Variants in CSMD1 observed in about 807,000 individuals in gnomAD.
The protein encoded by CSMD1 is CUB and sushi domain-containing protein 1.
Under a neutral mutation model 417.5 loss-of-function variants are expected in CSMD1, and 213 were observed. That is an observed-to-expected ratio of 0.51 (90% CI 0.46 to 0.57). CSMD1 has a LOEUF of 0.57. CSMD1 is among the 20% of genes least tolerant of loss of function. The probability of loss-of-function intolerance (pLI) is 0.00; values close to 1 mark genes in which losing one functional copy is unlikely to be tolerated. For synonymous variants in CSMD1, 2,862 were observed against 1,736.8 expected, an observed-to-expected ratio of 1.65 and a Z score of -16.11; for missense variants, 6,923 against 4,529.7, an observed-to-expected ratio of 1.53 and a Z score of -15.17.
rs530926656 is a variant in CSMD1 at position 4,369,078 on chromosome 8, C to T, written c.415+50875G>A. ...GATCTTTTTGACTTCTTGATATAGA[C>T]ATTAAGTGCTAAAAACTTTCCTCTT... On this transcript the variant is annotated intron_variant, in intron 3 of 69. Transcript: ENST00000635120. Among the ~76,000 whole-genome samples, 9 of 152,196 alleles carry T rather than the reference C, an allele frequency of 5.9e-5. No homozygotes were observed. The East Asian group carries it at 9.7e-4, about 16-fold the overall frequency.
chr8:4,123,517 C>A (rs1802600023), intron 3 of CSMD1, among the ~76,000 whole-genome samples: 1 of 152,024 alleles, frequency 6.6e-6, no homozygotes, highest in African/African-American at 2.4e-5. Flanking sequence ...ACTGTGTTTT[C>A]TTTGATGATT....
At chr8:4,103,878 G>T (rs927747399) in intron 3 of CSMD1, among the ~76,000 whole-genome samples, 1 of 152,164 alleles carries the variant, frequency 6.6e-6, no homozygotes, top group African/African-American at 2.4e-5. Context: ...ATCTCTTGCA[G>T]TTAATATTTG....
intron 3 of CSMD1, among the ~76,000 whole-genome samples, chr8:4,385,711 G>C (rs186776413): frequency 2.6e-5 from 4 of 152,190 alleles, no homozygotes; most frequent in East Asian, 3.9e-4. Context: ...TTTTTATAGA[G>C]AAAATTCAAC....
intron 3 of CSMD1, among the ~76,000 whole-genome samples, chr8:4,378,284 T>G (rs1047608445): frequency 3.1e-4 from 47 of 152,378 alleles, no homozygotes; most frequent in African/African-American, 1.0e-3. Context: ...TGTTATATAA[T>G]CCATGCAAAG....
intron 3 of CSMD1, among the ~76,000 whole-genome samples, chr8:4,036,474 G>C (rs915208178): frequency 6.6e-6 from 1 of 152,128 alleles, no homozygotes; most frequent in Non-Finnish European, 1.5e-5. Flanking sequence ...TGTCTGAAAA[G>C]AAATATTTGT....
intron 3 of CSMD1, among the ~76,000 whole-genome samples, chr8:4,081,136 G>C (rs1176918410): frequency 2.0e-5 from 3 of 152,108 alleles, no homozygotes; most frequent in African/African-American, 4.8e-5. Flanking sequence ...CTGAACTCTT[G>C]ATCTTAGACT....
chr8:4,985,285 A>G (rs1299644348), intron 1 of CSMD1, among the ~76,000 whole-genome samples: 1 of 152,164 alleles, frequency 6.6e-6, no homozygotes, highest in Admixed American at 6.5e-5. Context: ...CTTGGTAATG[A>G]TATAATCGGT....
chr8:4,018,057 G>C (rs1284080924), intron 4 of CSMD1, among the ~76,000 whole-genome samples: 2 of 145,978 alleles, frequency 1.4e-5, no homozygotes, highest in South Asian at 2.1e-4. Flanking sequence ...ACTAGTGTGG[G>C]TATGTATGCT....
intron 8 of CSMD1, among the ~76,000 whole-genome samples, chr8:3,599,167 G>C (rs1468719363): frequency 6.7e-6 from 1 of 149,872 alleles, no homozygotes; most frequent in Non-Finnish European, 1.5e-5. Flanking sequence ...GTGTGTCTGT[G>C]TGTGTGTGTG....
chr8:3,790,694 G>C (rs1799687414), intron 5 of CSMD1, among the ~76,000 whole-genome samples: 1 of 152,058 alleles, frequency 6.6e-6, no homozygotes, highest in African/African-American at 2.4e-5. Flanking sequence ...TTATCTTTTT[G>C]ATATCTAGAT....
At chr8:2,942,791 A>G (rs1801978089) in intron 68 of CSMD1, among the ~76,000 whole-genome samples, 187 bp from the exon 69 acceptor site, 1 of 152,232 alleles carries the variant, frequency 6.6e-6, no homozygotes, top group Non-Finnish European at 1.5e-5. Flanking sequence ...CAAAAAACTG[A>G]CTATTTCCTA....
At chr8:4,640,859 T>G (rs1259827216) in intron 1 of CSMD1, among the ~76,000 whole-genome samples, 3 of 84,302 alleles carry the variant, frequency 3.6e-5, no homozygotes, top group Non-Finnish European at 6.5e-5. Flanking sequence ...CCTTAATTAT[T>G]GCTAAAAAAA....
chr8:4,566,184 A>G (rs1447443123), intron 2 of CSMD1, among the ~76,000 whole-genome samples: 3 of 152,186 alleles, frequency 2.0e-5, no homozygotes, highest in African/African-American at 4.8e-5. Flanking sequence ...AGATTGATCC[A>G]TCTACAATAG....
At chr8:4,202,286 T>C (rs1245048722) in intron 3 of CSMD1, among the ~76,000 whole-genome samples, 1 of 152,098 alleles carries the variant, frequency 6.6e-6, no homozygotes, top group Non-Finnish European at 1.5e-5. Context: ...GATTATGCTT[T>C]AAAAAAATGA....
intron 3 of CSMD1, among the ~76,000 whole-genome samples, chr8:4,186,796 G>A (rs1043802466): frequency 2.2e-4 from 33 of 150,648 alleles, no homozygotes; most frequent in African/African-American, 6.8e-4. Flanking sequence ...AGACCAGCCT[G>A]GTCTACATGG....
chr8:4,517,328 T>G (rs1229888180), intron 2 of CSMD1, among the ~76,000 whole-genome samples: 1 of 152,198 alleles, frequency 6.6e-6, no homozygotes, highest in Non-Finnish European at 1.5e-5. Context: ...GCTGTGAATG[T>G]GATTGCACCA....
At chr8:3,403,509 C>A (rs887189312) in intron 15 of CSMD1, among the ~76,000 whole-genome samples, 23 of 152,160 alleles carry the variant, frequency 1.5e-4, no homozygotes, top group Non-Finnish European at 1.3e-4. Flanking sequence ...CCGAGGGCTT[C>A]CTTTGTTAAC....
rs745955541 is a variant in CSMD1 at position 3,189,933 on chromosome 8, C to T, written c.5377G>A (p.Asp1793Asn). ...TCACCCACACAGCTGGGGATCGTGT[C>T]GTTCCACTGTGCCAAGGCGTTGGGC... is the stretch of plus-strand genomic sequence containing the variant. ...SVPNALAQWN[D>N]TIPSCVVPCS... Residue 1793 changes from aspartate (D) to asparagine (N), a missense_variant, in exon 34 of 70, where the codon GAC (aspartate) becomes AAC (asparagine). Physicochemically the swap from Asp to Asn is conservative, Grantham distance 23 (BLOSUM62 1). Coordinates refer to ENST00000635120, the MANE Select transcript of CSMD1 (RefSeq NM_033225.6). 3 of 1,586,908 alleles carry T rather than the reference C, an allele frequency of 1.9e-6. No homozygotes were observed. Among genetic ancestry groups the T allele is most frequent in the Non-Finnish European group, 2.6e-6 (3 of 1,166,942 alleles).
At chr8:4,902,621 G>C (rs1233416802) in intron 1 of CSMD1, among the ~76,000 whole-genome samples, 1 of 152,010 alleles carries the variant, frequency 6.6e-6, no homozygotes, top group Non-Finnish European at 1.5e-5. Context: ...GTAATATTTT[G>C]ATTATCTATT....
Sources: allele counts gnomAD v4.1 joint callset (sites outside exome capture counted in the v4.1 genomes callset), GRCh38; gene constraint gnomAD v4.1.1; transcripts MANE v1.5; gene names NCBI Gene and HGNC (gene_info 2026-07-23, HGNC 2026-07-21).